Variants in BIRC6 observed in about 807,000 individuals in gnomAD.
BIRC6 encodes baculoviral IAP repeat containing 6.
Under a neutral mutation model 503.3 loss-of-function variants are expected in BIRC6, and 98 were observed. The ratio of observed to expected loss-of-function variants is 0.19; its 90% CI spans 0.17 to 0.23. The LOEUF (loss-of-function observed/expected upper bound fraction) is 0.23. BIRC6 is among the 10% of genes least tolerant of loss of function. The probability of loss-of-function intolerance (pLI) is 1.00; values close to 1 mark genes in which losing one functional copy is unlikely to be tolerated. For synonymous variants in BIRC6, 2,240 were observed against 2,078.7 expected, an observed-to-expected ratio of 1.08 and a Z score of -2.11; for missense variants, 5,360 against 5,806.0, an observed-to-expected ratio of 0.92 and a Z score of 2.50.
At chr2:32,450,483 T>C (rs1300568787) in intron 22 of BIRC6, among the ~76,000 whole-genome samples, 1 of 152,142 alleles carries the variant, frequency 6.6e-6, no homozygotes, top group East Asian at 1.9e-4. Flanking sequence ...TCATGATATG[T>C]CTCCACTTTA....
intron 1 of BIRC6, among the ~76,000 whole-genome samples, chr2:32,365,527 G>T (rs2034780186): frequency 6.6e-6 from 1 of 152,054 alleles, no homozygotes; most frequent in African/African-American, 2.4e-5. Flanking sequence ...CACAATGTTG[G>T]CCAGGCTGGT....
At chr2:32,503,366 G>A in intron 49 of BIRC6, 130 bp downstream of exon 49, 1 of 751,658 alleles carries the variant, frequency 1.3e-6, no homozygotes, top group South Asian at 1.8e-5. Flanking sequence ...GTTTATTTTA[G>A]AGGTAGTGGA....
At chr2:32,439,395 T>C in intron 15 of BIRC6, 113 bp from the exon 16 acceptor site, 3 of 1,032,896 alleles carry the variant, frequency 2.9e-6, no homozygotes, top group South Asian at 3.5e-5. Flanking sequence ...TTGAAAGTTC[T>C]GGCCTACTGT....
At chr2:32,471,171 A>G in intron 32 of BIRC6, 47 bp downstream of exon 32, 2 of 1,543,510 alleles carry the variant, frequency 1.3e-6, no homozygotes, top group Non-Finnish European at 8.8e-7. Flanking sequence ...GTTTATAATA[A>G]TATGTTGGTG....
chr2:32,470,483 A>G (rs1460931788), intron 31 of BIRC6, among the ~76,000 whole-genome samples, 182 bp downstream of exon 31: 1 of 151,492 alleles, frequency 6.6e-6, no homozygotes, highest in Non-Finnish European at 1.5e-5. Context: ...ATACTTTTAA[A>G]ATTTATTCCT....
chr2:32,413,942 A>T (rs2042156848), intron 9 of BIRC6, among the ~76,000 whole-genome samples: 1 of 152,192 alleles, frequency 6.6e-6, no homozygotes. Context: ...ATTGGCAAAA[A>T]AGTTTGTACA....
rs1376390946 is a variant in BIRC6, at chr2:32,617,751, G to A, written c.14421G>A (p.Glu4807=). ...GTCACACTGCTCAGCTCCGCGAAGA[G>A]TTGCTGAAACTTCCCTGCCCTGAAG... ...LKRHTAQLRE[E]LLKLPCPEGL... is the part of the protein sequence containing the mutation. The change falls in exon 74 of 74, where the codon GAG becomes GAA. Residue 4807 remains glutamate (E), a synonymous_variant. Transcript: ENST00000421745. The A allele has an allele frequency of 1.2e-6, 2 of 1,613,998 alleles. No individual in the cohort carries two copies. Among genetic ancestry groups the A allele is most frequent in the East Asian group, 2.2e-5 (1 of 44,876 alleles).
At chr2:32,391,815 T>C (rs2039268695) in intron 4 of BIRC6, among the ~76,000 whole-genome samples, 1 of 152,224 alleles carries the variant, frequency 6.6e-6, no homozygotes, top group Non-Finnish European at 1.5e-5. Context: ...CCTGGAGTTG[T>C]TTATCAACTG....
At chr2:32,397,472 C>CA (rs201328190) in intron 6 of BIRC6, among the ~76,000 whole-genome samples, 12,053 of 146,944 alleles carry the variant, frequency 0.082, 600 homozygotes, top group Admixed American at 0.16. Context: ...AACTCCATCT[C>CA]AAAAAAAAAG....
chr2:32,423,808 T>G (rs1182272291), intron 10 of BIRC6, among the ~76,000 whole-genome samples: 1 of 152,212 alleles, frequency 6.6e-6, no homozygotes, highest in African/African-American at 2.4e-5. Flanking sequence ...AGTAGTGTGA[T>G]AAAAATCTCT....
intron 61 of BIRC6, among the ~76,000 whole-genome samples, chr2:32,541,420 C>T (rs904483040): frequency 6.6e-6 from 1 of 152,060 alleles, no homozygotes; most frequent in African/African-American, 2.4e-5. Context: ...CAACTTAAGA[C>T]TGATCTAAGC....
At chr2:32,511,552 A>C (rs2054455554) in intron 53 of BIRC6, among the ~76,000 whole-genome samples, 2 of 135,858 alleles carry the variant, frequency 1.5e-5, no homozygotes. Flanking sequence ...GGATGGTCTC[A>C]ATCTCCTGAC....
intron 50 of BIRC6, 184 bp downstream of exon 50, chr2:32,505,389 T>G (rs1352080460): frequency 3.5e-6 from 2 of 567,166 alleles, no homozygotes; most frequent in African/African-American, 3.7e-5. Context: ...ACTGTTAACC[T>G]CAGACAAAAA....
chr2:32,401,099 T>C (rs2040557434), intron 6 of BIRC6, 64 bp from the exon 7 acceptor site: 1 of 1,405,236 alleles, frequency 7.1e-7, no homozygotes, highest in South Asian at 1.2e-5. Flanking sequence ...TGGAGTTCTG[T>C]TTTAATGTAC....
At chr2:32,479,098 G>A (rs983508913) in intron 36 of BIRC6, among the ~76,000 whole-genome samples, 2 of 152,140 alleles carry the variant, frequency 1.3e-5, no homozygotes, top group African/African-American at 4.8e-5. Context: ...TAACATCAGT[G>A]GTATGCTGCT....
At chr2:32,595,288 A>C in intron 68 of BIRC6, 144 bp downstream of exon 68, 1 of 555,856 alleles carries the variant, frequency 1.8e-6, no homozygotes, top group South Asian at 2.6e-5. Context: ...ATTTTTTATC[A>C]TCTTTGCCTC....
At chr2:32,414,471 A>G (rs1374337981) in intron 9 of BIRC6, among the ~76,000 whole-genome samples, 1 of 152,070 alleles carries the variant, frequency 6.6e-6, no homozygotes, top group African/African-American at 2.4e-5. Flanking sequence ...GTTTGAGACC[A>G]TCCTGGACAA....
intron 57 of BIRC6, among the ~76,000 whole-genome samples, chr2:32,523,984 C>T (rs2056014866): frequency 6.6e-6 from 1 of 151,058 alleles, no homozygotes; most frequent in Non-Finnish European, 1.5e-5. Context: ...GTTGAGGCTG[C>T]AGTGAACCGC....
intron 33 of BIRC6, 87 bp downstream of exon 33, chr2:32,473,326 G>A: frequency 8.8e-7 from 1 of 1,134,134 alleles, no homozygotes; most frequent in Non-Finnish European, 1.2e-6. Flanking sequence ...CAGATGTGAG[G>A]TATAACATTT....
Sources: allele counts gnomAD v4.1 joint callset (sites outside exome capture counted in the v4.1 genomes callset), GRCh38; gene constraint gnomAD v4.1.1; transcripts MANE v1.5; gene names NCBI Gene and HGNC (gene_info 2026-07-23, HGNC 2026-07-21).